Variants in SLC36A1 observed in about 807,000 individuals in gnomAD.
The protein encoded by SLC36A1 is solute carrier family 36 member 1, also known as proton-coupled amino acid transporter 1.
In SLC36A1, 30 loss-of-function variants were observed where a neutral mutation model predicts 47.5. The observed-to-expected ratio is 0.63, with a 90% CI of 0.47 to 0.86. The LOEUF (loss-of-function observed/expected upper bound fraction) is 0.86. SLC36A1 is among the 40% of genes least tolerant of loss of function. The pLI is 0.00. For missense variants in SLC36A1, 517 were observed against 606.0 expected (o/e 0.85, Z 1.54); for synonymous variants, 255 against 249.7 (o/e 1.02, Z -0.20).
the SLC36A1 span, among the ~76,000 whole-genome samples, chr5:151,429,348 C>T: frequency 1.0e-5 from 1 of 97,424 alleles, no homozygotes. Flanking sequence ...TCCCTCCCCC[C>T]TCCCCCCACC....
the SLC36A1 span, among the ~76,000 whole-genome samples, chr5:151,359,222 T>C: frequency 1.3e-5 from 2 of 152,218 alleles, no homozygotes; most frequent in Non-Finnish European, 2.9e-5. Flanking sequence ...AATACATCCA[T>C]GCCTTCCAGA....
At chr5:151,537,626 A>G in the SLC36A1 span, among the ~76,000 whole-genome samples, 1 of 152,350 alleles carries the variant, frequency 6.6e-6, no homozygotes, top group Non-Finnish European at 1.5e-5. Flanking sequence ...TGTCTTATCA[A>G]TCTATTTATT....
chr5:151,468,298 A>G (rs1363972880), intron 7 of SLC36A1, among the ~76,000 whole-genome samples: 1 of 62,814 alleles, frequency 1.6e-5, no homozygotes. Context: ...TATATATTTT[A>G]TATATATATA....
Position 151,488,337 on chromosome 5 carries a change from AG to A in SLC36A1, c.*85del. ...GTCCTCAGAGCCTCAGGTATGGTCC[AG>A]GCTCTGAGGAAAGTCAGGGTTGCTG... On this transcript the variant is annotated 3_prime_UTR_variant, in exon 11 of 11. Coordinates refer to ENST00000243389, the MANE Select transcript of SLC36A1 (RefSeq NM_078483.4). 1 of 1,509,344 alleles carries A rather than the reference AG, an allele frequency of 6.6e-7. No homozygotes were observed. Among genetic ancestry groups the A allele is most frequent in the Non-Finnish European group, 8.9e-7 (1 of 1,119,480 alleles). The allele number at this position is 1,509,344 out of a possible 1,614,324, so 93.5% of individuals were successfully genotyped here. A position where few individuals can be genotyped will look rare whatever the true frequency, so the allele number is the denominator to read the frequency against.
At position 151,465,147 on chromosome 5, in the gene SLC36A1, C is replaced by T. The variant is rs769924388; in HGVS notation, c.397C>T (p.Arg133Trp). The T allele has an allele frequency of 9.9e-5, 159 of 1,613,950 alleles. No individual in the cohort carries two copies. Among genetic ancestry groups the T allele is most frequent in the South Asian group, 2.9e-4 (26 of 91,076 alleles). Residue 133 changes from arginine (R) to tryptophan (W), a missense_variant, in exon 5 of 11, where the codon CGG becomes TGG. Physicochemically the swap from Arg to Trp is moderately radical, Grantham distance 101 (BLOSUM62 -3). Coordinates refer to ENST00000243389, the MANE Select transcript of SLC36A1 (RefSeq NM_078483.4). ...AGAATCCAGCCCCTGCTCCTGGCTC[C>T]GGAACCACGCACACTGGGGAAGGTA... ...GLESSPCSWL[R>W]NHAHWGRRVV...
chr5:151,487,164 C>T (rs1331139868), intron 10 of SLC36A1, among the ~76,000 whole-genome samples: 1 of 152,244 alleles, frequency 6.6e-6, no homozygotes, highest in Non-Finnish European at 1.5e-5. Context: ...CTTTGCCCAC[C>T]TGGTGGAAAG....
chr5:151,551,671 G>A, the SLC36A1 span: 17 of 1,568,128 alleles, frequency 1.1e-5, no homozygotes, highest in Admixed American at 2.9e-4. Flanking sequence ...GCATAAGATA[G>A]GCTTTGGTTG....
upstream of SLC36A1, among the ~76,000 whole-genome samples, chr5:151,446,670 T>C (rs186164978): frequency 3.1e-4 from 47 of 152,360 alleles, no homozygotes; most frequent in East Asian, 8.1e-3. Flanking sequence ...AATTTAAGGC[T>C]TGTTTTTTGG....
rs143646594 is a variant in SLC36A1, at chr5:151,490,782, C to G, written c.*2528C>G. 2.8e-4 allele frequency: 43 copies of G among 152,284 alleles called. No homozygotes were observed. The highest frequency in any genetic ancestry group is 9.6e-4 in the African/African-American group (40 of 41,554). 9.4% of individuals were successfully genotyped at this position (152,284 alleles called of 1,614,324 possible). ...CCTTCCTGGCTATGCAGGTGCACAG[C>G]TCTTAGGCATCAAGCAAAGGGTCAG... is the stretch of plus-strand genomic sequence containing the variant. On this transcript the variant is annotated 3_prime_UTR_variant, in exon 11 of 11. Transcript: ENST00000243389.
At chr5:151,494,646 A>G (rs1176327211), downstream of SLC36A1, among the ~76,000 whole-genome samples, 1 of 152,010 alleles carries the variant, frequency 6.6e-6, no homozygotes, top group African/African-American at 2.4e-5. Flanking sequence ...GGTTCTTTTT[A>G]TTGCTGAGTA....
the SLC36A1 span, among the ~76,000 whole-genome samples, chr5:151,388,635 C>A: frequency 2.1e-4 from 32 of 151,718 alleles, no homozygotes; most frequent in African/African-American, 6.5e-4. Context: ...CATGGGCCAC[C>A]GTCACTAGTA....
At chr5:151,506,087 G>A in the SLC36A1 span, 19 of 1,518,422 alleles carry the variant, frequency 1.3e-5, no homozygotes, top group Admixed American at 6.7e-5. Flanking sequence ...CCATGGCTCC[G>A]CCAGGGTACA....
the SLC36A1 span, among the ~76,000 whole-genome samples, chr5:151,546,822 G>A: frequency 5.9e-5 from 9 of 151,990 alleles, no homozygotes; most frequent in Admixed American, 2.0e-4. Flanking sequence ...GGGCTCAAGC[G>A]GTCCTCCAGC....
chr5:151,489,305 C>T lies in SLC36A1; in HGVS notation c.*1051C>T, dbSNP rs1001591376. ...GCTGTGTGCATGCAGGCCCATGTTT[C>T]AGCCTCAGCCCACGCCAGGTGAAAG... On this transcript the variant is annotated 3_prime_UTR_variant, in exon 11 of 11. Coordinates refer to ENST00000243389, the MANE Select transcript of SLC36A1 (RefSeq NM_078483.4). The surrounding 1 kb of genome is among the most constrained non-coding windows in gnomAD (Gnocchi z 4.5). The T allele has an allele frequency of 6.6e-6, 1 of 152,660 alleles. No individual in the cohort carries two copies. The highest frequency in any genetic ancestry group is 2.4e-5 in the African/African-American group (1 of 41,460). The allele number at this position is 152,660 out of a possible 1,614,324, so 9.5% of individuals were successfully genotyped here.
the SLC36A1 span, among the ~76,000 whole-genome samples, chr5:151,394,361 G>T: frequency 1.2e-4 from 18 of 152,312 alleles, no homozygotes; most frequent in South Asian, 3.7e-3. Context: ...TACCCCTTTA[G>T]CTCGGAGAAG....
chr5:151,393,521 G>A, the SLC36A1 span, among the ~76,000 whole-genome samples: 2 of 152,212 alleles, frequency 1.3e-5, no homozygotes, highest in Admixed American at 1.3e-4. Flanking sequence ...AATTTGTCAT[G>A]TTTTTGCAGT....
chr5:151,370,655 CTTTCTT>C, the SLC36A1 span, among the ~76,000 whole-genome samples: 1 of 152,114 alleles, frequency 6.6e-6, no homozygotes, highest in African/African-American at 2.4e-5. Flanking sequence ...CAAATCTGTA[CTTTCTT>C]ACTCAATATC....
At chr5:151,419,306 G>T in the SLC36A1 span, among the ~76,000 whole-genome samples, 1 of 152,200 alleles carries the variant, frequency 6.6e-6, no homozygotes, top group Non-Finnish European at 1.5e-5. Context: ...CCCCTGGGAA[G>T]GTTGCTTTCT....
the SLC36A1 span, chr5:151,531,944 G>C: frequency 6.2e-7 from 1 of 1,614,222 alleles, no homozygotes; most frequent in Non-Finnish European, 8.5e-7. This position sits in a 1 kb window ranked among gnomAD's most constrained non-coding sequence, Gnocchi z 5.7. Context: ...GAATCCGGCA[G>C]AGAGTAAACC....
Sources: allele counts gnomAD v4.1 joint callset (sites outside exome capture counted in the v4.1 genomes callset), GRCh38; gene constraint gnomAD v4.1.1; non-coding constraint Gnocchi (gnomAD v3.1); transcripts MANE v1.5; gene names NCBI Gene and HGNC (gene_info 2026-07-23, HGNC 2026-07-21).